KCNC4: variants seen among roughly 807,000 people sequenced by gnomAD.
KCNC4 encodes the protein voltage-gated potassium channel KCNC4.
Under a neutral mutation model 42.8 loss-of-function variants are expected in KCNC4, and 23 were observed. The ratio of observed to expected loss-of-function variants is 0.54; its 90% CI spans 0.39 to 0.76. KCNC4 has a LOEUF of 0.76. KCNC4 is among the 30% of genes least tolerant of loss of function. The probability of loss-of-function intolerance (pLI) is 0.00; values close to 1 mark genes in which losing one functional copy is unlikely to be tolerated. For synonymous variants in KCNC4, 422 were observed against 393.5 expected (o/e 1.07, Z -0.86); for missense variants, 751 against 898.2 (o/e 0.84, Z 2.10).
intron 1 of KCNC4, among the ~76,000 whole-genome samples, chr1:110,273,288 G>C (rs749161971): frequency 6.6e-6 from 1 of 152,172 alleles, no homozygotes; most frequent in Non-Finnish European, 1.5e-5. Context: ...TGGTGCTAAG[G>C]AAGCAGATAA....
chr1:110,222,933 G>T lies in KCNC4; in HGVS notation c.679-31G>T, dbSNP rs758841467. ...TGGGCCCATCCATCCCTGTCTGACA[G>T]CTGCCCCCTGCTCTCCTCCCCTGCC... On this transcript the variant is annotated intron_variant, in intron 1 of 3. Coordinates refer to ENST00000438661, the MANE Select transcript of KCNC4 (RefSeq NM_001039574.3). 6.4e-6 allele frequency: 10 copies of T among 1,554,708 alleles called. No homozygotes were observed. The East Asian group carries it at 2.3e-4, about 35-fold the overall frequency.
rs745483916 is a variant in KCNC4, at chr1:110,212,031, G to A, written c.532G>A (p.Gly178Ser). Residue 178 changes from glycine to serine, a missense_variant, in exon 1 of 4, where the codon GGC (glycine) becomes AGC (serine). Transcript: ENST00000438661. ...GSGAGPSDEAGDDERELALQR... is the reference protein window; with the variant it reads ...GSGAGPSDEASDDERELALQR... ...CGGCGCGGGGCCCAGCGACGAGGCC[G>A]GCGACGATGAGCGGGAGCTGGCCCT... 2 of 1,590,160 alleles carry A rather than the reference G, an allele frequency of 1.3e-6. No homozygotes were observed. Among genetic ancestry groups the A allele is most frequent in the Non-Finnish European group, 1.7e-6 (2 of 1,170,040 alleles).
intron 1 of KCNC4, among the ~76,000 whole-genome samples, chr1:110,272,788 T>A (rs987221872): frequency 6.6e-6 from 1 of 152,192 alleles, no homozygotes; most frequent in East Asian, 1.9e-4. Context: ...GATGCAATTT[T>A]CAAAATGATA....
intron 1 of KCNC4, among the ~76,000 whole-genome samples, chr1:110,262,433 G>A (rs1231208247): frequency 6.6e-6 from 1 of 152,118 alleles, no homozygotes; most frequent in African/African-American, 2.4e-5. Flanking sequence ...TCTTCTTTCT[G>A]TGCCTTTCCT....
chr1:110,273,381 C>A (rs938639005), intron 1 of KCNC4, among the ~76,000 whole-genome samples: 1 of 152,206 alleles, frequency 6.6e-6, no homozygotes, highest in Non-Finnish European at 1.5e-5. Flanking sequence ...GGTACTGCAA[C>A]AAAACAGTCT....
At position 110,273,038 on chromosome 1, in the gene KCNC4, A is replaced by G. The variant is rs1033577467; in HGVS notation, n.31-9496A>G. 7.2e-5 allele frequency among the ~76,000 whole-genome samples: 11 copies of G among 152,256 alleles called. No homozygotes were observed. The South Asian group carries it at 1.2e-3, about 17-fold the overall frequency. On this transcript the variant is annotated intron_variant and non_coding_transcript_variant, in intron 1 of 2. Transcript: ENST00000412512. ...AGTTCCCCTGACAATTGGCCTTGGCAGAATGAAAGACCATTAAGAAGCTGA... is the reference window on the plus strand; with the variant it reads ...AGTTCCCCTGACAATTGGCCTTGGCGGAATGAAAGACCATTAAGAAGCTGA...
downstream of KCNC4, among the ~76,000 whole-genome samples, chr1:110,253,151 T>C (rs1659273216): frequency 6.6e-6 from 1 of 152,224 alleles, no homozygotes; most frequent in African/African-American, 2.4e-5. Flanking sequence ...CCACAAAGCC[T>C]TCCCTAGCAC....
intron 1 of KCNC4, among the ~76,000 whole-genome samples, chr1:110,266,120 C>G (rs2101080719): frequency 6.6e-6 from 1 of 152,284 alleles, no homozygotes; most frequent in African/African-American, 2.4e-5. Flanking sequence ...ACAATTCACC[C>G]AATTCCCCCG....
intron 1 of KCNC4, chr1:110,256,846 C>A: frequency 6.4e-6 from 1 of 156,952 alleles, no homozygotes. Context: ...AAGGATACTG[C>A]AAAGCTTTGA....
rs531800098 is a variant in KCNC4, at chr1:110,215,054, C to T, written c.678+2877C>T. On this transcript the variant is annotated intron_variant, in intron 1 of 3. Coordinates refer to ENST00000438661, the MANE Select transcript of KCNC4 (RefSeq NM_001039574.3). ...GCCCGCAGCACTGTGGGGTGGTGGG[C>T]GAAGAGGGAGAGAGGAGCAGTGCTC... Among the ~76,000 whole-genome samples, 209 of 152,348 alleles carry T rather than the reference C, an allele frequency of 1.4e-3. 1 individual carries two copies. Among genetic ancestry groups the T allele is most frequent in the African/African-American group, 4.7e-3 (197 of 41,582 alleles).
At chr1:110,232,366 T>A in intron 3 of KCNC4, 1 of 1,582,844 alleles carries the variant, frequency 6.3e-7, no homozygotes, top group South Asian at 1.2e-5. Context: ...CACCAGCTCC[T>A]TGGGACAATG....
At chr1:110,265,464 G>A (rs1282085885) in intron 1 of KCNC4, among the ~76,000 whole-genome samples, 1 of 152,014 alleles carries the variant, frequency 6.6e-6, no homozygotes, top group Admixed American at 6.5e-5. Context: ...CAGGTTTTAG[G>A]CTGCTAGAAG....
intron 1 of KCNC4, among the ~76,000 whole-genome samples, chr1:110,278,217 C>T (rs1277512639): frequency 6.6e-6 from 1 of 152,006 alleles, no homozygotes; most frequent in Non-Finnish European, 1.5e-5. Context: ...AAAGAGAATT[C>T]TCCAGGGAGA....
intron 1 of KCNC4, among the ~76,000 whole-genome samples, chr1:110,263,387 C>T (rs149906815): frequency 1.6e-4 from 25 of 151,940 alleles, no homozygotes; most frequent in African/African-American, 5.6e-4. Flanking sequence ...CATGTCCACA[C>T]ATCTAGGCTA....
At chr1:110,257,757 G>A (rs992018643) in intron 1 of KCNC4, among the ~76,000 whole-genome samples, 1 of 148,826 alleles carries the variant, frequency 6.7e-6, no homozygotes, top group Non-Finnish European at 1.5e-5. Context: ...AGAGGCAGGT[G>A]TTCCAGGGCT....
exon 4 of KCNC4, chr1:110,242,228 T>G (rs1217226956): frequency 6.8e-6 from 1 of 147,576 alleles, no homozygotes. Flanking sequence ...GTAGCTTCAA[T>G]TTACATCACA....
chr1:110,264,466 G>A (rs1659504461), intron 1 of KCNC4, among the ~76,000 whole-genome samples: 2 of 152,278 alleles, frequency 1.3e-5, no homozygotes, highest in South Asian at 4.1e-4. Context: ...AAGAACAGAG[G>A]TCAGAGTTCA....
chr1:110,254,099 G>A (rs917929142), downstream of KCNC4, among the ~76,000 whole-genome samples: 1 of 134,582 alleles, frequency 7.4e-6, no homozygotes, highest in Non-Finnish European at 1.7e-5. Flanking sequence ...TCGGGGGGGG[G>A]GCGGCGTTTC....
At chr1:110,263,292 C>T (rs1422539417) in intron 1 of KCNC4, among the ~76,000 whole-genome samples, 1 of 151,862 alleles carries the variant, frequency 6.6e-6, no homozygotes, top group Non-Finnish European at 1.5e-5. Flanking sequence ...TTAGTGACAT[C>T]TTGGGAGATT....
Sources: allele counts gnomAD v4.1 joint callset (sites outside exome capture counted in the v4.1 genomes callset), GRCh38; gene constraint gnomAD v4.1.1; transcripts MANE v1.5; gene names NCBI Gene and HGNC (gene_info 2026-07-23, HGNC 2026-07-21).